The following FRAS1 variants were observed in gnomAD, a reference collection of about 807,000 sequenced individuals.
FRAS1 encodes the protein Fraser extracellular matrix complex subunit 1, also known as extracellular matrix organizing protein FRAS1.
Under a neutral mutation model 435.2 loss-of-function variants are expected in FRAS1, and 290 were observed. That is an observed-to-expected ratio of 0.67 (90% confidence interval 0.61 to 0.73). FRAS1 has a LOEUF of 0.73. Among genes scored for constraint, FRAS1 ranks in the 30% least tolerant of loss-of-function variants. FRAS1 has a pLI of 0.00. For synonymous variants in FRAS1, 1,800 were observed against 1,851.0 expected, an observed-to-expected ratio of 0.97 and a Z score of 0.71; for missense variants, 4,860 against 5,001.5, an observed-to-expected ratio of 0.97 and a Z score of 0.85.
At chr4:78,404,260 C>T (rs1171247319) in intron 30 of FRAS1, among the ~76,000 whole-genome samples, 1 of 152,008 alleles carries the variant, frequency 6.6e-6, no homozygotes, top group Non-Finnish European at 1.5e-5. Flanking sequence ...CTAAATCTTC[C>T]CTTCAAAATT....
chr4:78,058,200 G>A (rs1248413347), intron 1 of FRAS1, 115 bp downstream of exon 1: 2 of 922,206 alleles, frequency 2.2e-6, no homozygotes, highest in Non-Finnish European at 3.2e-6. Context: ...TCGGTGAGGT[G>A]GAAGTTTTTC....
intron 35 of FRAS1, 100 bp from the exon 36 acceptor site, chr4:78,428,995 G>A: frequency 7.9e-7 from 1 of 1,267,596 alleles, no homozygotes; most frequent in Non-Finnish European, 1.1e-6. Flanking sequence ...TGTGGAAACT[G>A]CCTGAAGAGG....
intron 61 of FRAS1, among the ~76,000 whole-genome samples, chr4:78,500,969 CT>C (rs1202461226): frequency 6.6e-6 from 1 of 151,950 alleles, no homozygotes; most frequent in African/African-American, 2.4e-5. Flanking sequence ...AGAAGTGGGT[CT>C]TTTTTTATAT....
In FRAS1 at chr4:78,273,026, CATAT is replaced by C. The variant is rs1726793552; in HGVS notation, c.981+5595_981+5598del. Among the ~76,000 whole-genome samples the C allele has an allele frequency of 7.2e-5, 11 of 152,296 alleles. No homozygotes were observed. The South Asian group carries it at 2.3e-3, about 32-fold the overall frequency. On this transcript the variant is annotated intron_variant, in intron 9 of 73. Transcript: ENST00000512123. The stretch of plus-strand genomic sequence containing the variant: ...TGTAGTTCTCCTTGAAGAGGTCCTT[CATAT>C]CCCTTGTAAGTTGGATTCCTAGGTA...
Position 78,317,460 on chromosome 4 carries a change from C to G in FRAS1, c.1912C>G (p.Leu638Val). The part of the protein sequence containing the change: ...PPKALRQGHC[L>V]PRCGEGFYSD... ...CAAGGCTCTGCGTCAAGGCCACTGT[C>G]TGCCCCGCTGTGGAGAGGGTTTCTA... The change falls in exon 17 of 74, where the codon CTG becomes GTG. Residue 638 changes from leucine to valine, a missense_variant. By Grantham distance (32) the Leu-to-Val change is conservative (BLOSUM62 1). Coordinates refer to ENST00000512123, the MANE Select transcript of FRAS1 (RefSeq NM_025074.7). 1 of 1,613,894 alleles carries G rather than the reference C, an allele frequency of 6.2e-7. No homozygotes were observed. Among genetic ancestry groups the G allele is most frequent in the South Asian group, 1.1e-5 (1 of 91,074 alleles).
In FRAS1 at chr4:78,121,191, C is replaced by T. The variant is rs186252303; in HGVS notation, c.108+55175C>T. Among the ~76,000 whole-genome samples the T allele has an allele frequency of 3.3e-5, 5 of 152,222 alleles. No individual in the cohort carries two copies. The East Asian group carries it at 9.7e-4, about 29-fold the overall frequency. ...GACCTTTCTCCTTGAAGCAATAAGC[C>T]GTGTATGTACATTTTCCTATCATTT... On this transcript the variant is annotated intron_variant, in intron 2 of 73. Transcript: ENST00000512123.
chr4:78,470,458 G>C (rs1166263088), intron 51 of FRAS1, among the ~76,000 whole-genome samples: 1 of 152,088 alleles, frequency 6.6e-6, no homozygotes. Flanking sequence ...TCACTAAGTG[G>C]TTGCTATTGA....
intron 56 of FRAS1, among the ~76,000 whole-genome samples, chr4:78,480,968 G>C (rs184386789): frequency 1.4e-4 from 21 of 152,328 alleles, no homozygotes; most frequent in African/African-American, 4.6e-4. Flanking sequence ...GCAAATGGAG[G>C]CCTGGATAGG....
At chr4:78,270,564 A>G (rs909421952) in intron 9 of FRAS1, among the ~76,000 whole-genome samples, 2 of 51,798 alleles carry the variant, frequency 3.9e-5, no homozygotes, top group East Asian at 1.6e-3. Flanking sequence ...CGCCACCACC[A>G]CCACCCCAGC....
At chr4:78,428,954 A>T (rs1271273946) in intron 35 of FRAS1, 141 bp from the exon 36 acceptor site, 13 of 703,476 alleles carry the variant, frequency 1.8e-5, no homozygotes, top group Admixed American at 1.4e-4. Context: ...CAAAGGTTAA[A>T]GTAGTGCAAA....
At chr4:78,080,677 C>T (rs1432516745) in intron 2 of FRAS1, among the ~76,000 whole-genome samples, 1 of 152,150 alleles carries the variant, frequency 6.6e-6, no homozygotes, top group Admixed American at 6.5e-5. Flanking sequence ...CAAGCAGATA[C>T]ATGTAAGCAT....
At chr4:78,451,076 A>G (rs1719004694) in intron 45 of FRAS1, among the ~76,000 whole-genome samples, 1 of 151,606 alleles carries the variant, frequency 6.6e-6, no homozygotes, top group Non-Finnish European at 1.5e-5. Flanking sequence ...AGGGGAGTGG[A>G]AGAGGCAAAA....
chr4:78,058,123 TGTGC>T, intron 1 of FRAS1, 38 bp downstream of exon 1: 6 of 1,520,680 alleles, frequency 3.9e-6, no homozygotes, highest in East Asian at 2.3e-5. Flanking sequence ...TGTGTGTGCG[TGTGC>T]GTGTGTGTGT....
Position 78,104,880 on chromosome 4 carries a change from A to G in FRAS1, c.108+38864A>G, listed in dbSNP as rs112023082. ...TTCTATTAAGATTTTAGAATGTTTT[A>G]TATTGTTATGATAGTTTTATAATAA... On this transcript the variant is annotated intron_variant, in intron 2 of 73. Transcript: ENST00000512123. 5.3e-4 allele frequency among the ~76,000 whole-genome samples: 80 copies of G among 152,310 alleles called. 1 individual carries two copies. Among genetic ancestry groups the G allele is most frequent in the Middle Eastern group, 3.4e-3 (1 of 294 alleles).
chr4:78,258,496 T>C (rs1254611564), intron 6 of FRAS1, among the ~76,000 whole-genome samples: 1 of 151,764 alleles, frequency 6.6e-6, no homozygotes, highest in Non-Finnish European at 1.5e-5. Flanking sequence ...ATCCTGACCC[T>C]ATGGACTCCT....
chr4:78,083,626 G>GTTT (rs35633131), intron 2 of FRAS1, among the ~76,000 whole-genome samples: 2,027 of 108,230 alleles, frequency 0.019, 145 homozygotes, highest in African/African-American at 0.056. Context: ...TGCAAGTTCT[G>GTTT]TTTTTTTTTT....
At chr4:78,368,162 A>T (rs1281621203) in intron 22 of FRAS1, among the ~76,000 whole-genome samples, 2 of 151,828 alleles carry the variant, frequency 1.3e-5, no homozygotes, top group Non-Finnish European at 2.9e-5. Context: ...AAGGGATAAA[A>T]ATTTGGTCTC....
intron 2 of FRAS1, among the ~76,000 whole-genome samples, chr4:78,091,978 CAA>C (rs34804542): frequency 6.0e-5 from 5 of 83,726 alleles, no homozygotes; most frequent in East Asian, 3.8e-4. Flanking sequence ...GAGACTGTCT[CAA>C]AAAAAAAAAA....
At chr4:78,141,152 C>T (rs1044138315) in intron 2 of FRAS1, among the ~76,000 whole-genome samples, 3 of 152,000 alleles carry the variant, frequency 2.0e-5, no homozygotes, top group South Asian at 2.1e-4. Flanking sequence ...CCCATCAACC[C>T]GTCATCTACA....
Sources: allele counts gnomAD v4.1 joint callset (sites outside exome capture counted in the v4.1 genomes callset), GRCh38; gene constraint gnomAD v4.1.1; transcripts MANE v1.5; gene names NCBI Gene and HGNC (gene_info 2026-07-23, HGNC 2026-07-21).